CPQ: variants seen among roughly 807,000 people sequenced by gnomAD.
CPQ encodes carboxypeptidase Q.
A neutral mutation model predicts 45.7 loss-of-function variants in CPQ; 37 were observed. The observed-to-expected ratio is 0.81, with a 90% CI of 0.62 to 1.07. The LOEUF (loss-of-function observed/expected upper bound fraction) is 1.07. Among genes scored for constraint, CPQ ranks in the 50% least tolerant of loss-of-function variants. The pLI is 0.00. For missense variants in CPQ, 537 were observed against 572.9 expected, an observed-to-expected ratio of 0.94 and a Z score of 0.64; for synonymous variants, 186 against 205.8, an observed-to-expected ratio of 0.90 and a Z score of 0.82.
chr8:96,963,614 G>C (rs1008977153), intron 4 of CPQ, among the ~76,000 whole-genome samples: 2 of 152,122 alleles, frequency 1.3e-5, no homozygotes, highest in African/African-American at 2.4e-5. Context: ...AAGAAGATTG[G>C]TTCAACTTTG....
chr8:97,039,405 CTTTTT>C (rs930795847), intron 6 of CPQ, among the ~76,000 whole-genome samples: 1 of 151,000 alleles, frequency 6.6e-6, no homozygotes, highest in Admixed American at 6.6e-5. Context: ...TACACTATTT[CTTTTT>C]TATTTTTTTT....
chr8:96,796,015 C>T (rs757111013), intron 2 of CPQ, among the ~76,000 whole-genome samples: 21 of 151,876 alleles, frequency 1.4e-4, no homozygotes, highest in East Asian at 5.8e-4. Flanking sequence ...AATGATACAA[C>T]GTAAATATAT....
At chr8:97,019,123 G>A (rs537121786) in intron 5 of CPQ, among the ~76,000 whole-genome samples, 339 of 152,232 alleles carry the variant, frequency 2.2e-3, no homozygotes, top group African/African-American at 7.4e-3. Flanking sequence ...TGTACCCGGC[G>A]AAATTAAGCT....
intron 4 of CPQ, among the ~76,000 whole-genome samples, chr8:96,950,516 C>G (rs924119380): frequency 1.3e-5 from 2 of 152,050 alleles, no homozygotes; most frequent in South Asian, 4.1e-4. Context: ...CCCCTCTCCC[C>G]AGTAGAAATC....
At chr8:96,833,033 T>G (rs1230057311) in intron 2 of CPQ, among the ~76,000 whole-genome samples, 1 of 152,112 alleles carries the variant, frequency 6.6e-6, no homozygotes, top group Non-Finnish European at 1.5e-5. Context: ...GTAAGGGGGT[T>G]GAACAGAGTT....
At chr8:96,791,458 C>A (rs527559036) in intron 2 of CPQ, among the ~76,000 whole-genome samples, 2 of 152,086 alleles carry the variant, frequency 1.3e-5, no homozygotes, top group Admixed American at 6.6e-5. Flanking sequence ...TCTTTCCTGG[C>A]TACCTGCCTG....
chr8:96,647,737 T>C (rs2130700668), intron 1 of CPQ, among the ~76,000 whole-genome samples: 1 of 152,368 alleles, frequency 6.6e-6, no homozygotes, highest in East Asian at 1.9e-4. Flanking sequence ...TTGGTTGTTT[T>C]ATCATTTTGA....
At chr8:97,112,145 A>G (rs1425149571) in intron 7 of CPQ, among the ~76,000 whole-genome samples, 1 of 144,424 alleles carries the variant, frequency 6.9e-6, no homozygotes, top group Admixed American at 7.0e-5. Flanking sequence ...ATTTTTTATT[A>G]TTTTTATTTT....
intron 5 of CPQ, among the ~76,000 whole-genome samples, chr8:97,023,272 T>C (rs1039333258): frequency 3.3e-5 from 5 of 151,720 alleles, no homozygotes; most frequent in Admixed American, 6.6e-5. Context: ...GGAGCCAAGC[T>C]ATGAGGATGC....
intron 2 of CPQ, among the ~76,000 whole-genome samples, chr8:96,831,497 G>GT (rs932716401): frequency 1.3e-5 from 2 of 152,236 alleles, no homozygotes; most frequent in African/African-American, 4.8e-5. Context: ...GAAGAAGGGA[G>GT]ATGAGAGTAA....
At chr8:96,701,577 A>T (rs1809462330) in intron 1 of CPQ, among the ~76,000 whole-genome samples, 1 of 152,206 alleles carries the variant, frequency 6.6e-6, no homozygotes, top group African/African-American at 2.4e-5. Context: ...CTAGAAAAGC[A>T]TGAGAAAGGG....
intron 1 of CPQ, among the ~76,000 whole-genome samples, chr8:96,681,623 C>A (rs1809153677): frequency 6.6e-6 from 1 of 152,198 alleles, no homozygotes; most frequent in South Asian, 2.1e-4. Context: ...ACACAGAAAC[C>A]CTACTTCAGC....
chr8:96,938,030 C>T (rs1813077131), intron 4 of CPQ, among the ~76,000 whole-genome samples: 1 of 152,130 alleles, frequency 6.6e-6, no homozygotes, highest in South Asian at 2.1e-4. Context: ...ATGACACTTT[C>T]CTCTTAGAAA....
intron 1 of CPQ, among the ~76,000 whole-genome samples, chr8:96,699,907 G>C (rs545633054): frequency 1.3e-5 from 2 of 152,194 alleles, no homozygotes; most frequent in African/African-American, 4.8e-5. Context: ...GGGGTAGAGA[G>C]GAGAAAGAAG....
Position 96,737,098 on chromosome 8 carries a change from T to G in CPQ, c.-34-47766T>G, listed in dbSNP as rs185312097. Among the ~76,000 whole-genome samples, 53 of 151,798 alleles carry G rather than the reference T, an allele frequency of 3.5e-4. 1 individual carries two copies. The East Asian group carries it at 8.0e-3, about 23-fold the overall frequency. On this transcript the variant is annotated intron_variant, in intron 1 of 7. Coordinates refer to ENST00000220763, the MANE Select transcript of CPQ (RefSeq NM_016134.4). ...TTCCTTCTAGTCTATCTTTGCTTTC[T>G]GTTTTATTAATTTCTTCCTCTTGTC... is the stretch of plus-strand genomic sequence containing the variant.
At chr8:96,921,396 T>G (rs1248678576) in intron 4 of CPQ, among the ~76,000 whole-genome samples, 2 of 152,234 alleles carry the variant, frequency 1.3e-5, no homozygotes, top group African/African-American at 4.8e-5. Flanking sequence ...TTCCAGAACC[T>G]AATGCCTTTC....
intron 1 of CPQ, among the ~76,000 whole-genome samples, chr8:96,653,580 A>G (rs1815602452): frequency 6.6e-6 from 1 of 152,258 alleles, no homozygotes. Context: ...AAGCCTTACC[A>G]GTAACATAAA....
At chr8:97,142,120 A>C (rs552316063) in intron 7 of CPQ, among the ~76,000 whole-genome samples, 12 of 152,180 alleles carry the variant, frequency 7.9e-5, no homozygotes, top group Non-Finnish European at 1.6e-4. Context: ...ATGGACATAT[A>C]TGTACTTATT....
intron 1 of CPQ, among the ~76,000 whole-genome samples, chr8:96,746,761 A>T (rs930775809): frequency 6.6e-6 from 1 of 152,198 alleles, no homozygotes; most frequent in African/African-American, 2.4e-5. Context: ...CAATTTCACA[A>T]GTGTTTCCTA....
Sources: gnomAD v4.1 joint callset for allele counts (sites outside exome capture counted in the v4.1 genomes callset) on GRCh38, gnomAD v4.1.1 for gene constraint, MANE v1.5 for transcripts, NCBI Gene and HGNC (gene_info 2026-07-23, HGNC 2026-07-21) for gene names.